DOK6: variants seen among roughly 807,000 people sequenced by gnomAD.
DOK6 encodes downstream of tyrosine kinase 6.
A neutral mutation model predicts 44.0 loss-of-function variants in DOK6; 22 were observed. The observed-to-expected ratio is 0.50, with a 90% CI of 0.36 to 0.71. The LOEUF is 0.71. DOK6 is among the 30% of genes least tolerant of loss of function. DOK6 has a pLI of 0.00. For synonymous variants in DOK6, 166 were observed against 145.5 expected (o/e 1.14, Z -1.01); for missense variants, 340 against 416.4 (o/e 0.82, Z 1.60).
chr18:69,652,942 A>G (rs1343057068), intron 3 of DOK6, among the ~76,000 whole-genome samples: 1 of 152,232 alleles, frequency 6.6e-6, no homozygotes, highest in Non-Finnish European at 1.5e-5. Flanking sequence ...TTTCAGACCC[A>G]TGTATATTCC....
intron 2 of DOK6, among the ~76,000 whole-genome samples, chr18:69,568,364 G>A (rs865964857): frequency 1.5e-4 from 23 of 152,136 alleles, no homozygotes; most frequent in African/African-American, 4.6e-4. Context: ...ACCTCGGCCT[G>A]TACTTGACCA....
chr18:69,658,807 G>T lies in DOK6; in HGVS notation c.290-18927G>T, dbSNP rs186125688. The stretch of plus-strand genomic sequence containing the variant: ...TTTTCAACAAGGAAAAAGATTAATT[G>T]GTAACTGGTTTTCCAATAATTCATT... On this transcript the variant is annotated intron_variant, in intron 3 of 7. Transcript: ENST00000382713. Among the ~76,000 whole-genome samples, 548 of 152,204 alleles carry T rather than the reference G, an allele frequency of 3.6e-3. 2 individuals carry two copies. Among genetic ancestry groups the T allele is most frequent in the African/African-American group, 0.012 (516 of 41,510 alleles).
At chr18:69,768,504 T>C (rs1979787266) in intron 7 of DOK6, among the ~76,000 whole-genome samples, 1 of 151,638 alleles carries the variant, frequency 6.6e-6, no homozygotes, top group African/African-American at 2.4e-5. Flanking sequence ...ATTTCTTGTT[T>C]GATTTTTCTT....
intron 5 of DOK6, among the ~76,000 whole-genome samples, chr18:69,714,808 G>A (rs1342196509): frequency 6.6e-6 from 1 of 152,118 alleles, no homozygotes; most frequent in Non-Finnish European, 1.5e-5. Flanking sequence ...AGTGCAAAAT[G>A]TGATGAGTGT....
chr18:69,702,020 T>C (rs901359295), intron 5 of DOK6, among the ~76,000 whole-genome samples: 2 of 151,576 alleles, frequency 1.3e-5, no homozygotes, highest in African/African-American at 4.8e-5. Context: ...TAATACATAA[T>C]AAATATGAAT....
chr18:69,581,106 A>G (rs1983358431), intron 2 of DOK6, among the ~76,000 whole-genome samples: 1 of 152,166 alleles, frequency 6.6e-6, no homozygotes, highest in African/African-American at 2.4e-5. Flanking sequence ...TCATTTGTTG[A>G]TGGACCTGGG....
intron 5 of DOK6, among the ~76,000 whole-genome samples, chr18:69,700,136 G>A (rs1986480930): frequency 1.3e-5 from 2 of 151,052 alleles, no homozygotes; most frequent in South Asian, 4.2e-4. Flanking sequence ...CAACACGTGG[G>A]AATTTTGGGA....
chr18:69,770,653 T>C (rs1979860249), intron 7 of DOK6, among the ~76,000 whole-genome samples: 1 of 152,110 alleles, frequency 6.6e-6, no homozygotes, highest in Non-Finnish European at 1.5e-5. Flanking sequence ...AAGCACACCG[T>C]ATATGTAAAT....
intron 3 of DOK6, among the ~76,000 whole-genome samples, chr18:69,613,620 C>A (rs1599222504): frequency 6.6e-6 from 1 of 151,992 alleles, no homozygotes; most frequent in East Asian, 1.9e-4. Flanking sequence ...AGAAAAATTT[C>A]TCTTATAAAA....
chr18:69,617,279 C>T (rs150109693), intron 3 of DOK6, among the ~76,000 whole-genome samples: 2 of 151,398 alleles, frequency 1.3e-5, no homozygotes, highest in African/African-American at 2.4e-5. Context: ...GTGATTGTAC[C>T]ACTGCACTCC....
chr18:69,433,132 G>A (rs1251451288), intron 1 of DOK6, among the ~76,000 whole-genome samples: 1 of 152,104 alleles, frequency 6.6e-6, no homozygotes, highest in East Asian at 1.9e-4. Context: ...TTGATTGTGT[G>A]TTCTAATGCA....
chr18:69,692,040 A>AC (rs1986279519), intron 4 of DOK6, among the ~76,000 whole-genome samples: 1 of 152,076 alleles, frequency 6.6e-6, no homozygotes. Flanking sequence ...GAAGGAATTT[A>AC]CCCCCTTTTC....
At chr18:69,607,507 A>T (rs78118684) in intron 3 of DOK6, among the ~76,000 whole-genome samples, 2 of 151,828 alleles carry the variant, frequency 1.3e-5, no homozygotes, top group African/African-American at 4.8e-5. Context: ...ATATAAAAAA[A>T]ATTAAAATAA....
chr18:69,589,607 GTAAAT>G (rs1178113438), intron 2 of DOK6, among the ~76,000 whole-genome samples: 2 of 152,064 alleles, frequency 1.3e-5, no homozygotes, highest in Non-Finnish European at 2.9e-5. Flanking sequence ...AATAATTATA[GTAAAT>G]ATGTGGTTTT....
intron 7 of DOK6, among the ~76,000 whole-genome samples, chr18:69,783,725 A>G (rs947677156): frequency 2.0e-5 from 3 of 152,134 alleles, no homozygotes; most frequent in African/African-American, 7.2e-5. Context: ...TAAGCACTTG[A>G]TTTATCTGTA....
chr18:69,710,358 G>T (rs919603278), intron 5 of DOK6, among the ~76,000 whole-genome samples: 1 of 151,982 alleles, frequency 6.6e-6, no homozygotes, highest in Non-Finnish European at 1.5e-5. Context: ...TACAAAATAG[G>T]TATTCTCATG....
chr18:69,472,219 A>C (rs1390499926), intron 1 of DOK6, among the ~76,000 whole-genome samples: 1 of 152,244 alleles, frequency 6.6e-6, no homozygotes, highest in Non-Finnish European at 1.5e-5. Flanking sequence ...TTAAAGAGAT[A>C]TAATAAAAAC....
intron 1 of DOK6, among the ~76,000 whole-genome samples, chr18:69,445,823 T>A (rs1979270404): frequency 6.6e-6 from 1 of 152,212 alleles, no homozygotes; most frequent in African/African-American, 2.4e-5. Flanking sequence ...TAGTCCAAGG[T>A]CACAGTGAGC....
At chr18:69,648,545 A>G (rs1220146594) in intron 3 of DOK6, among the ~76,000 whole-genome samples, 1 of 152,222 alleles carries the variant, frequency 6.6e-6, no homozygotes, top group Non-Finnish European at 1.5e-5. Context: ...TGAGAATTTT[A>G]AAATCATAAT....
Sources: allele counts gnomAD v4.1 joint callset (sites outside exome capture counted in the v4.1 genomes callset), GRCh38; gene constraint gnomAD v4.1.1; transcripts MANE v1.5; gene names NCBI Gene and HGNC (gene_info 2026-07-23, HGNC 2026-07-21).